RBFOX1: variants seen among roughly 807,000 people sequenced by gnomAD.
RBFOX1 encodes RNA binding protein fox-1 homolog 1.
In RBFOX1, 8 loss-of-function variants were observed where a neutral mutation model predicts 57.7. The observed-to-expected ratio is 0.14, with a 90% CI of 0.08 to 0.25. The LOEUF (loss-of-function observed/expected upper bound fraction) is 0.25. Among genes scored for constraint, RBFOX1 ranks in the 10% least tolerant of loss-of-function variants. RBFOX1 has a pLI of 1.00. For missense variants in RBFOX1, 611 were observed against 548.5 expected (o/e 1.11, Z -1.14); for synonymous variants, 326 against 222.4 (o/e 1.47, Z -4.15).
intron 3 of RBFOX1, among the ~76,000 whole-genome samples, chr16:7,021,776 G>A (rs994394351): frequency 2.7e-5 from 4 of 150,678 alleles, no homozygotes; most frequent in African/African-American, 4.9e-5. Flanking sequence ...TATTGAGCAT[G>A]TACTATATAC....
chr16:6,952,357 A>G (rs2080942364), intron 3 of RBFOX1, among the ~76,000 whole-genome samples: 1 of 152,222 alleles, frequency 6.6e-6, no homozygotes, highest in Non-Finnish European at 1.5e-5. Context: ...CCTGTTAGAA[A>G]GTAAACTTGT....
chr16:7,244,247 C>CAAAA (rs60054791), intron 4 of RBFOX1, among the ~76,000 whole-genome samples: 108 of 99,192 alleles, frequency 1.1e-3, no homozygotes, highest in African/African-American at 3.4e-3. Context: ...CAAAGTATTC[C>CAAAA]AAAAAAAAAA....
At position 7,474,649 on chromosome 16, in the gene RBFOX1, C is replaced by A. The variant is rs997183548; in HGVS notation, c.28-43498C>A. ...GAGCCTGGCTCTAAAGTCGGACTGG[C>A]TTTCATCCCTTATTACTTGTGTAAC... On this transcript the variant is annotated intron_variant, in intron 4 of 15. Transcript: ENST00000550418. 2.0e-5 allele frequency among the ~76,000 whole-genome samples: 3 copies of A among 152,202 alleles called. No individual in the cohort carries two copies. The South Asian group carries it at 6.2e-4, about 32-fold the overall frequency.
chr16:7,577,623 GA>G (rs2093437791), intron 5 of RBFOX1, among the ~76,000 whole-genome samples: 1 of 152,214 alleles, frequency 6.6e-6, no homozygotes, highest in Admixed American at 6.5e-5. Flanking sequence ...AGTCTCTGGG[GA>G]TGGTGGCTCA....
chr16:5,620,532 C>T (rs553795533), intron 3 of RBFOX1, among the ~76,000 whole-genome samples: 1 of 152,258 alleles, frequency 6.6e-6, no homozygotes, highest in African/African-American at 2.4e-5. Flanking sequence ...GGGTTGGTTT[C>T]TTCTGAGACC....
chr16:6,088,928 C>T (rs1047528860), intron 1 of RBFOX1, among the ~76,000 whole-genome samples: 1 of 151,946 alleles, frequency 6.6e-6, no homozygotes, highest in African/African-American at 2.4e-5. Context: ...AATCCCATCT[C>T]TACTAAAAAT....
chr16:5,736,108 C>G (rs2052560546), intron 3 of RBFOX1, among the ~76,000 whole-genome samples: 1 of 152,032 alleles, frequency 6.6e-6, no homozygotes, highest in African/African-American at 2.4e-5. Context: ...TCTTTACTGG[C>G]TGCGATGATG....
intron 14 of RBFOX1, among the ~76,000 whole-genome samples, chr16:7,704,230 G>A (rs922739289): frequency 3.3e-5 from 5 of 152,132 alleles, no homozygotes; most frequent in Non-Finnish European, 4.4e-5. Context: ...TGTTGCTAAA[G>A]GTCAAAAAGA....
chr16:5,787,018 C>G (rs192052352), intron 3 of RBFOX1, among the ~76,000 whole-genome samples: 49 of 152,286 alleles, frequency 3.2e-4, no homozygotes, highest in African/African-American at 1.0e-3. Context: ...TGCCTGTAAT[C>G]TCAGCTCCTT....
chr16:6,862,195 A>G (rs1874050306), intron 3 of RBFOX1, among the ~76,000 whole-genome samples: 2 of 152,292 alleles, frequency 1.3e-5, no homozygotes, highest in South Asian at 2.1e-4. Context: ...GTTTAGGGAC[A>G]TAAATAAGTA....
chr16:6,285,457 A>G (rs912408039), intron 1 of RBFOX1, among the ~76,000 whole-genome samples: 5 of 152,154 alleles, frequency 3.3e-5, no homozygotes, highest in African/African-American at 1.2e-4. Context: ...AACACCCTGA[A>G]ATCCCACATC....
intron 5 of RBFOX1, among the ~76,000 whole-genome samples, chr16:7,522,882 T>C (rs2077817224): frequency 6.6e-6 from 1 of 152,216 alleles, no homozygotes; most frequent in African/African-American, 2.4e-5. Flanking sequence ...AGTATACACT[T>C]TGATACATTT....
chr16:6,631,421 T>C (rs2098383623), intron 2 of RBFOX1, among the ~76,000 whole-genome samples: 1 of 151,828 alleles, frequency 6.6e-6, no homozygotes, highest in Non-Finnish European at 1.5e-5. Flanking sequence ...TTTTTTTTTG[T>C]AAGGGAAAGT....
At chr16:5,358,214 G>A (rs899425869) in intron 1 of RBFOX1, among the ~76,000 whole-genome samples, 3 of 151,956 alleles carry the variant, frequency 2.0e-5, no homozygotes, top group Non-Finnish European at 4.4e-5. Flanking sequence ...CTTCACATTA[G>A]CTAGGCCTTC....
At chr16:7,167,942 G>T (rs557040773) in intron 4 of RBFOX1, among the ~76,000 whole-genome samples, 67 of 152,280 alleles carry the variant, frequency 4.4e-4, no homozygotes, top group African/African-American at 1.6e-3. Context: ...CGGGGTAGGG[G>T]ATGTTTGTAG....
intron 3 of RBFOX1, among the ~76,000 whole-genome samples, chr16:6,842,208 C>G (rs117814912): frequency 0.026 from 3,976 of 151,676 alleles, 95 homozygotes; most frequent in Non-Finnish European, 0.035. Context: ...TGAGTGTTAG[C>G]TATTTGAGTA....
At chr16:7,501,304 A>T (rs1390814064) in intron 4 of RBFOX1, among the ~76,000 whole-genome samples, 1 of 152,240 alleles carries the variant, frequency 6.6e-6, no homozygotes, top group African/African-American at 2.4e-5. Context: ...AGCTTAAATT[A>T]TCAGCTCTCT....
intron 9 of RBFOX1, among the ~76,000 whole-genome samples, chr16:7,601,040 C>T (rs541058058): frequency 3.9e-5 from 6 of 152,248 alleles, no homozygotes; most frequent in African/African-American, 1.4e-4. Flanking sequence ...ATCTGCAATA[C>T]AAGATTGAGA....
chr16:6,045,705 C>T (rs865893709), intron 1 of RBFOX1, among the ~76,000 whole-genome samples: 11 of 152,194 alleles, frequency 7.2e-5, no homozygotes, highest in South Asian at 4.1e-4. Context: ...AGAGCCATAC[C>T]GATGGTGATA....
Sources: gnomAD v4.1 joint callset for allele counts (sites outside exome capture counted in the v4.1 genomes callset) on GRCh38, gnomAD v4.1.1 for gene constraint, MANE v1.5 for transcripts, NCBI Gene and HGNC (gene_info 2026-07-23, HGNC 2026-07-21) for gene names.